The following ALX4 variants were observed in gnomAD, a reference collection of about 807,000 sequenced individuals.
The protein encoded by ALX4 is homeobox protein aristaless-like 4.
In ALX4, 22 loss-of-function variants were observed where a neutral mutation model predicts 40.6. That is an observed-to-expected ratio of 0.54 (90% CI 0.39 to 0.77). ALX4 has a LOEUF of 0.77. ALX4 is among the 30% of genes least tolerant of loss of function. The probability of loss-of-function intolerance (pLI) is 0.00; values close to 1 mark genes in which losing one functional copy is unlikely to be tolerated. For missense variants in ALX4, 556 were observed against 564.8 expected (o/e 0.98, Z 0.16); for synonymous variants, 266 against 240.5 (o/e 1.11, Z -0.98).
At chr11:44,304,509 C>A (rs1289891125) in intron 1 of ALX4, among the ~76,000 whole-genome samples, 1 of 152,154 alleles carries the variant, frequency 6.6e-6, no homozygotes, top group Non-Finnish European at 1.5e-5. Flanking sequence ...CCCCATGAAT[C>A]ATCCCAAGGC....
intron 1 of ALX4, among the ~76,000 whole-genome samples, chr11:44,299,366 T>G (rs927438136): frequency 2.7e-5 from 4 of 147,064 alleles, no homozygotes; most frequent in South Asian, 2.2e-4. Context: ...TTTTTTTTTT[T>G]TTTTTTTTTT....
intron 1 of ALX4, among the ~76,000 whole-genome samples, chr11:44,308,440 C>T (rs1012307994): frequency 6.6e-6 from 1 of 152,274 alleles, no homozygotes; most frequent in Non-Finnish European, 1.5e-5. Flanking sequence ...GCCCCCAACT[C>T]TTCCCACCAG....
At chr11:44,286,248 C>T (rs998843190) in intron 1 of ALX4, among the ~76,000 whole-genome samples, 5 of 152,178 alleles carry the variant, frequency 3.3e-5, no homozygotes, top group African/African-American at 4.8e-5. Flanking sequence ...AAGATGACCC[C>T]GGCAGCTCCC....
intron 3 of ALX4, among the ~76,000 whole-genome samples, 183 bp downstream of exon 3, chr11:44,267,311 A>G (rs573457593): frequency 2.0e-5 from 3 of 152,258 alleles, no homozygotes; most frequent in Admixed American, 6.5e-5. Flanking sequence ...TTCAATGATT[A>G]GTTGGATAGA....
In ALX4 at chr11:44,275,133, G is replaced by A. The variant is rs372600236; in HGVS notation, c.777+215C>T. Among the ~76,000 whole-genome samples, 5 of 152,288 alleles carry A rather than the reference G, an allele frequency of 3.3e-5. No individual in the cohort carries two copies. In the South Asian group the frequency reaches 1.0e-3, roughly 32 times the overall value. On this transcript the variant is annotated intron_variant, in intron 2 of 3. Coordinates refer to ENST00000652299, the MANE Select transcript of ALX4 (RefSeq NM_021926.4). ...CTTTGCAACCCCCCACCACAGTGCA[G>A]AAGCCCAATATTAAAGAGGATAAAA...
At chr11:44,293,159 GGAAGGAAGGAA>G (rs1273112549) in intron 1 of ALX4, among the ~76,000 whole-genome samples, 18,312 of 70,532 alleles carry the variant, frequency 0.26, 4,027 homozygotes, top group Non-Finnish European at 0.28. Flanking sequence ...AAGGAAGGAA[GGAAGGAAGGAA>G]GCAGGCAGGC....
intron 2 of ALX4, among the ~76,000 whole-genome samples, chr11:44,271,894 T>C (rs1956249666): frequency 6.6e-6 from 1 of 152,218 alleles, no homozygotes; most frequent in South Asian, 2.1e-4. Flanking sequence ...AACCCACATA[T>C]GCAAACACAA....
At chr11:44,304,662 C>T (rs1956455875) in intron 1 of ALX4, among the ~76,000 whole-genome samples, 4 of 152,204 alleles carry the variant, frequency 2.6e-5, no homozygotes, top group Admixed American at 2.6e-4. Context: ...GCAGCAAAGG[C>T]CAATATATTT....
In ALX4 at chr11:44,310,112, C is replaced by T. The variant is rs1453499458; in HGVS notation, c.-50G>A. 1 of 1,524,520 alleles carries T rather than the reference C, an allele frequency of 6.6e-7. No individual in the cohort carries two copies. The highest frequency in any genetic ancestry group is 8.8e-7 in the Non-Finnish European group (1 of 1,132,968). 94.4% of individuals were successfully genotyped at this position (1,524,520 alleles called of 1,614,324 possible). ...GGGGACGCGAGCGAGGGCGCGAGGA[C>T]GCCACCGCGCGCCTTGGCTGGGAGT... On this transcript the variant is annotated 5_prime_UTR_variant, in exon 1 of 4. Transcript: ENST00000652299.
At chr11:44,296,245 G>A (rs1183142027) in intron 1 of ALX4, among the ~76,000 whole-genome samples, 1 of 152,208 alleles carries the variant, frequency 6.6e-6, no homozygotes, top group Non-Finnish European at 1.5e-5. Context: ...GCTGGGAAAA[G>A]TGGATATCCC....
intron 1 of ALX4, 36 bp from the exon 2 acceptor site, chr11:44,275,694 T>C (rs1271039630): frequency 1.9e-6 from 3 of 1,602,200 alleles, no homozygotes; most frequent in African/African-American, 1.3e-5. Flanking sequence ...AAACCAATGG[T>C]TGAACCAAAC....
intron 1 of ALX4, among the ~76,000 whole-genome samples, chr11:44,294,777 A>G (rs532402451): frequency 1.3e-5 from 2 of 152,198 alleles, no homozygotes; most frequent in Non-Finnish European, 2.9e-5. Flanking sequence ...CATAACAGCT[A>G]ACATTGACTG....
intron 1 of ALX4, 143 bp downstream of exon 1, chr11:44,309,454 C>T: frequency 1.4e-6 from 2 of 1,444,348 alleles, no homozygotes; most frequent in South Asian, 2.8e-5. Flanking sequence ...TCCCTCGCAG[C>T]GATCGATCCC....
intron 1 of ALX4, among the ~76,000 whole-genome samples, chr11:44,303,844 C>A (rs974710587): frequency 6.6e-6 from 1 of 152,334 alleles, no homozygotes; most frequent in East Asian, 1.9e-4. Context: ...AGGCAGCACG[C>A]AAGTTGTTGT....
chr11:44,309,388 G>A (rs925087316), intron 1 of ALX4, among the ~76,000 whole-genome samples: 11 of 152,230 alleles, frequency 7.2e-5, no homozygotes, highest in Non-Finnish European at 1.5e-5. Context: ...TTTAACAGCC[G>A]AAACGCTCCG....
At position 44,260,810 on chromosome 11, in the gene ALX4, AT is replaced by A. The variant is rs1349982905; in HGVS notation, c.*4043del. 10 of 152,152 alleles carry A rather than the reference AT, an allele frequency of 6.6e-5. No individual in the cohort carries two copies. The highest frequency in any genetic ancestry group is 2.4e-4 in the African/African-American group (10 of 41,422). The allele number at this position is 152,152 out of a possible 1,614,324, so 9.4% of individuals were successfully genotyped here. The stretch of plus-strand genomic sequence containing the variant: ...GCCATTAAGCTAAAGGAAAAGTTGC[AT>A]TTATACAGGGTTAAAATATCTTACA... On this transcript the variant is annotated 3_prime_UTR_variant, in exon 4 of 4. Transcript: ENST00000652299.
Position 44,294,454 on chromosome 11 carries a change from GGA to G in ALX4, c.466+15141_466+15142del, listed in dbSNP as rs945420232. ...TAAACACAGAAAACACATTCAGCAGGGAGAGAGTTATTCCCCAGCTCATGACA... is the reference window on the plus strand; with the variant it reads ...TAAACACAGAAAACACATTCAGCAGGGAGAGTTATTCCCCAGCTCATGACA... On this transcript the variant is annotated intron_variant, in intron 1 of 3. Coordinates refer to ENST00000652299, the MANE Select transcript of ALX4 (RefSeq NM_021926.4). Among the ~76,000 whole-genome samples the G allele has an allele frequency of 5.3e-4, 80 of 152,228 alleles. 1 individual carries two copies. Among genetic ancestry groups the G allele is most frequent in the African/African-American group, 1.9e-3 (78 of 41,464 alleles).
intron 1 of ALX4, among the ~76,000 whole-genome samples, chr11:44,292,163 G>A (rs1160202566): frequency 6.6e-6 from 1 of 151,922 alleles, no homozygotes. Flanking sequence ...AACTGAAAAA[G>A]CAACAAGGCT....
chr11:44,264,849 C>T lies in ALX4; in HGVS notation c.*5G>A. The T allele has an allele frequency of 6.2e-7, 1 of 1,612,446 alleles. No individual in the cohort carries two copies. Among genetic ancestry groups the T allele is most frequent in the Non-Finnish European group, 8.5e-7 (1 of 1,179,878 alleles). On this transcript the variant is annotated 3_prime_UTR_variant, in exon 4 of 4. Transcript: ENST00000652299. ...CCGAGGTGGGGACGGGGCAGGGGTGCCCTGTCATGTGGCCCAGGAAATGGC... is the reference window on the plus strand; with the variant it reads ...CCGAGGTGGGGACGGGGCAGGGGTGTCCTGTCATGTGGCCCAGGAAATGGC...
Sources: gnomAD v4.1 joint callset for allele counts (sites outside exome capture counted in the v4.1 genomes callset) on GRCh38, gnomAD v4.1.1 for gene constraint, MANE v1.5 for transcripts, NCBI Gene and HGNC (gene_info 2026-07-23, HGNC 2026-07-21) for gene names.